NUTF2: variants seen among roughly 807,000 people sequenced by gnomAD.
NUTF2 encodes the protein nuclear transport factor 2, also known as placental protein 15.
Under a neutral mutation model 18.5 loss-of-function variants are expected in NUTF2, and 3 were observed. The observed-to-expected ratio is 0.16, with a 90% CI of 0.07 to 0.42. The LOEUF (loss-of-function observed/expected upper bound fraction) is 0.42, where lower values mean the gene tolerates loss of function less well. Ranked by LOEUF, NUTF2 falls within the 10% of genes least tolerant of loss-of-function variation. NUTF2 has a pLI of 0.99. For synonymous variants in NUTF2, 51 were observed against 57.9 expected (o/e 0.88, Z 0.54); for missense variants, 44 against 160.7 (o/e 0.27, Z 3.93).
intron 1 of NUTF2, among the ~76,000 whole-genome samples, chr16:67,859,298 G>C (rs1004545709): frequency 2.7e-5 from 4 of 150,632 alleles, no homozygotes; most frequent in Non-Finnish European, 5.9e-5. Context: ...TCCTGCCTTA[G>C]CCTCCCAAGT....
intron 2 of NUTF2, among the ~76,000 whole-genome samples, chr16:67,867,946 A>G (rs765729060): frequency 6.6e-6 from 1 of 152,110 alleles, no homozygotes; most frequent in African/African-American, 2.4e-5. Context: ...TTGGCTTCCC[A>G]AAGTTCTGGG....
intron 1 of NUTF2, among the ~76,000 whole-genome samples, chr16:67,849,405 G>A (rs1007267751): frequency 6.6e-6 from 1 of 152,110 alleles, no homozygotes; most frequent in Non-Finnish European, 1.5e-5. Flanking sequence ...GCTGTGGTGC[G>A]ATGTCGGCTC....
At chr16:67,850,615 T>C (rs1305821522) in intron 1 of NUTF2, among the ~76,000 whole-genome samples, 1 of 152,184 alleles carries the variant, frequency 6.6e-6, no homozygotes, top group African/African-American at 2.4e-5. Flanking sequence ...GTCTCAGATA[T>C]AAGAGAAGTG....
intron 2 of NUTF2, among the ~76,000 whole-genome samples, chr16:67,866,239 AT>A (rs2057970320): frequency 6.6e-6 from 1 of 152,122 alleles, no homozygotes; most frequent in African/African-American, 2.4e-5. Flanking sequence ...TTTGGAAAAA[AT>A]AATGAAATTT....
At chr16:67,852,593 G>C (rs1314508643) in intron 1 of NUTF2, among the ~76,000 whole-genome samples, 1 of 151,978 alleles carries the variant, frequency 6.6e-6, no homozygotes, top group Non-Finnish European at 1.5e-5. Flanking sequence ...CCTGACCTCA[G>C]GCGATCCGCC....
At chr16:67,853,982 G>A (rs1210621881) in intron 1 of NUTF2, among the ~76,000 whole-genome samples, 2 of 151,856 alleles carry the variant, frequency 1.3e-5, no homozygotes, top group South Asian at 2.1e-4. Flanking sequence ...ATGGAGTTTC[G>A]CTCTGTCACC....
At chr16:67,865,371 G>T (rs563258504) in intron 2 of NUTF2, 142 bp downstream of exon 2, 6 of 598,468 alleles carry the variant, frequency 1.0e-5, no homozygotes, top group Non-Finnish European at 1.8e-5. Flanking sequence ...CGGGACAGGG[G>T]TCTGACGCTT....
intron 1 of NUTF2, among the ~76,000 whole-genome samples, chr16:67,861,206 C>A (rs1311080458): frequency 6.6e-6 from 1 of 152,244 alleles, no homozygotes; most frequent in African/African-American, 2.4e-5. Context: ...CTCGCTGAAT[C>A]TCCTTTTGGT....
intron 1 of NUTF2, among the ~76,000 whole-genome samples, chr16:67,864,248 C>G (rs912652142): frequency 1.3e-5 from 2 of 152,318 alleles, no homozygotes; most frequent in East Asian, 3.9e-4. Flanking sequence ...CAGTGGCTCA[C>G]GCCTGTAACC....
intron 4 of NUTF2, 133 bp downstream of exon 4, chr16:67,868,732 C>T: frequency 1.3e-6 from 1 of 781,800 alleles, no homozygotes; most frequent in Non-Finnish European, 2.1e-6. Context: ...CTGCGTAGTT[C>T]AGTATGCTAG....
intron 2 of NUTF2, among the ~76,000 whole-genome samples, chr16:67,867,901 T>C (rs1437512867): frequency 2.0e-5 from 3 of 152,138 alleles, no homozygotes; most frequent in Non-Finnish European, 2.9e-5. Context: ...TTGGTCAGGC[T>C]GGTCTCGATG....
chr16:67,863,410 T>G (rs2057947600), intron 1 of NUTF2, among the ~76,000 whole-genome samples: 1 of 152,174 alleles, frequency 6.6e-6, no homozygotes, highest in African/African-American at 2.4e-5. Context: ...CCTCATTGGC[T>G]TGAGTGTTGG....
intron 1 of NUTF2, among the ~76,000 whole-genome samples, chr16:67,851,308 C>T (rs774476270): frequency 5.9e-5 from 9 of 151,808 alleles, no homozygotes; most frequent in Non-Finnish European, 8.8e-5. Context: ...TAGTGAAACT[C>T]TGTTTCTATT....
chr16:67,856,066 A>G, intron 1 of NUTF2: 1 of 666,812 alleles, frequency 1.5e-6, no homozygotes, highest in Non-Finnish European at 2.8e-6. Flanking sequence ...CGATGTGGCC[A>G]ATCTGGACGT....
chr16:67,859,402 T>G, intron 1 of NUTF2, among the ~76,000 whole-genome samples: 1 of 148,240 alleles, frequency 6.7e-6, no homozygotes, highest in African/African-American at 2.5e-5. Flanking sequence ...CAGGCTAGAG[T>G]GCAATGGCAC....
At position 67,865,241 on chromosome 16, in the gene NUTF2, G is replaced by GAATGGACCAGAATGGA; in HGVS notation, c.99+12_99+13insAATGGACCAGAATGGA. ...TAGGCGCAATTTACGTAAGTTTCCA[G>GAATGGACCAGAATGGA]CTCTAGGGCCAGAATGGACCCTAGG... On this transcript the variant is annotated intron_variant, in intron 2 of 4. Transcript: ENST00000219169. 1 of 1,587,752 alleles carries GAATGGACCAGAATGGA rather than the reference G, an allele frequency of 6.3e-7. No individual in the cohort carries two copies. The highest frequency in any genetic ancestry group is 8.6e-7 in the Non-Finnish European group (1 of 1,156,288).
At chr16:67,867,844 T>C (rs2057984252) in intron 2 of NUTF2, among the ~76,000 whole-genome samples, 1 of 152,186 alleles carries the variant, frequency 6.6e-6, no homozygotes, top group African/African-American at 2.4e-5. Flanking sequence ...TGCGCCACCA[T>C]GCCTGGATAA....
chr16:67,849,356 T>C (rs1172084880), intron 1 of NUTF2, among the ~76,000 whole-genome samples: 2 of 152,314 alleles, frequency 1.3e-5, no homozygotes, highest in African/African-American at 4.8e-5. Context: ...TTTGTTTTTC[T>C]CTCGAGACGG....
chr16:67,848,844 T>G (rs2057830071), intron 1 of NUTF2, among the ~76,000 whole-genome samples: 1 of 152,160 alleles, frequency 6.6e-6, no homozygotes, highest in African/African-American at 2.4e-5. Context: ...AAGGGCTGAT[T>G]GAGACCCAAG....
Sources: allele counts gnomAD v4.1 joint callset (sites outside exome capture counted in the v4.1 genomes callset), GRCh38; gene constraint gnomAD v4.1.1; transcripts MANE v1.5; gene names NCBI Gene and HGNC (gene_info 2026-07-23, HGNC 2026-07-21).